The following NVL variants were observed in gnomAD, a reference collection of about 807,000 sequenced individuals.
NVL encodes nuclear valosin-containing protein-like.
NVL carries 84 observed loss-of-function variants against 110.2 expected under a neutral mutation model. That is an observed-to-expected ratio of 0.76 (90% CI 0.64 to 0.91). The LOEUF (loss-of-function observed/expected upper bound fraction) is 0.91. Ranked by LOEUF, NVL falls within the 40% of genes least tolerant of loss-of-function variation. NVL has a pLI of 0.00. For missense variants in NVL, 882 were observed against 1,035.9 expected, an observed-to-expected ratio of 0.85 and a Z score of 2.04; for synonymous variants, 354 against 361.1, an observed-to-expected ratio of 0.98 and a Z score of 0.22.
chr1:224,308,361 T>C, intron 5 of NVL, 98 bp from the exon 6 acceptor site: 2 of 1,064,612 alleles, frequency 1.9e-6, no homozygotes, highest in Admixed American at 5.5e-5. Flanking sequence ...TATTTTGTTT[T>C]TTAACAACTT....
intron 19 of NVL, among the ~76,000 whole-genome samples, chr1:224,245,915 C>T (rs982362397): frequency 9.9e-5 from 15 of 151,916 alleles, no homozygotes; most frequent in African/African-American, 3.1e-4. Flanking sequence ...CCATGCCCGG[C>T]CAAAGTTGAC....
chr1:224,254,563 G>GTTTTTTTTTTTTTTT (rs71572893), intron 18 of NVL, among the ~76,000 whole-genome samples: 6 of 36,696 alleles, frequency 1.6e-4, no homozygotes, highest in African/African-American at 3.2e-4. Flanking sequence ...CGGCTAATTT[G>GTTTTTTTTTTTTTTT]TTTTTTTTGT....
At chr1:224,243,327 G>A (rs1661419865) in intron 19 of NVL, among the ~76,000 whole-genome samples, 1 of 151,638 alleles carries the variant, frequency 6.6e-6, no homozygotes, top group African/African-American at 2.4e-5. Flanking sequence ...TAGGCCTGGT[G>A]GCACGTTCCT....
At chr1:224,240,019 C>T (rs957093960) in intron 19 of NVL, among the ~76,000 whole-genome samples, 4 of 151,634 alleles carry the variant, frequency 2.6e-5, no homozygotes, top group Non-Finnish European at 5.9e-5. Context: ...TGCCTCAGCC[C>T]CGAGTAGCTG....
Position 224,287,777 on chromosome 1 carries a change from A to G in NVL, c.1792T>C (p.Leu598=). 13 of 1,613,282 alleles carry G rather than the reference A, an allele frequency of 8.1e-6. No homozygotes were observed. Among genetic ancestry groups the G allele is most frequent in the Non-Finnish European group, 1.1e-5 (13 of 1,179,244 alleles). ...TATTTGGCAGCTGATATACCTACCAATATTGCCATGGTGAGCTCCTCTCTA... is the reference window on the plus strand; with the variant it reads ...TATTTGGCAGCTGATATACCTACCAGTATTGCCATGGTGAGCTCCTCTCTA... The part of the protein sequence containing the change: ...DIREELTMAI[L]APVRNPDQFK... The change falls in exon 14 of 23, where the codon TTG becomes CTG. Residue 598 remains leucine, a splice_region_variant and synonymous_variant. Coordinates refer to ENST00000281701, the MANE Select transcript of NVL (RefSeq NM_002533.4).
intron 10 of NVL, chr1:224,297,654 C>T (rs1011354111): frequency 1.1e-4 from 20 of 184,264 alleles, no homozygotes; most frequent in African/African-American, 4.7e-4. Context: ...AAATGATGAA[C>T]ACAAAGAGAA....
At chr1:224,285,807 T>C (rs1666801363) in intron 15 of NVL, among the ~76,000 whole-genome samples, 1 of 152,138 alleles carries the variant, frequency 6.6e-6, no homozygotes, top group Non-Finnish European at 1.5e-5. Flanking sequence ...CATGTTAAAA[T>C]TGATAGGATT....
At chr1:224,249,197 G>A (rs1389848476) in intron 19 of NVL, among the ~76,000 whole-genome samples, 6 of 152,122 alleles carry the variant, frequency 3.9e-5, no homozygotes, top group African/African-American at 1.4e-4. Flanking sequence ...AGGCTTGAGT[G>A]CAGTAGCACG....
intron 16 of NVL, among the ~76,000 whole-genome samples, chr1:224,277,043 A>G (rs1665845447): frequency 2.0e-5 from 3 of 151,802 alleles, no homozygotes; most frequent in African/African-American, 7.3e-5. Context: ...CCAAACCCAA[A>G]GTATTTCTTT....
At chr1:224,309,063 C>A (rs1376915334) in intron 5 of NVL, among the ~76,000 whole-genome samples, 28 of 102,990 alleles carry the variant, frequency 2.7e-4, no homozygotes, top group Admixed American at 3.0e-4. Flanking sequence ...TCTGTCTCAA[C>A]AAAAAAAAAA....
chr1:224,320,544 G>T (rs1670540695), intron 2 of NVL, among the ~76,000 whole-genome samples: 1 of 152,152 alleles, frequency 6.6e-6, no homozygotes, highest in South Asian at 2.1e-4. Flanking sequence ...CTACTTGGGA[G>T]GCTGAGGCAG....
intron 20 of NVL, among the ~76,000 whole-genome samples, chr1:224,234,733 C>G (rs1405732232): frequency 6.6e-6 from 1 of 152,052 alleles, no homozygotes; most frequent in Non-Finnish European, 1.5e-5. Context: ...GGTGGAAACA[C>G]CATTAACTAA....
At chr1:224,227,717 T>C in intron 22 of NVL, 47 bp from the exon 23 acceptor site, 1 of 1,576,766 alleles carries the variant, frequency 6.3e-7, no homozygotes. Flanking sequence ...ACTGCTTGTT[T>C]TGGGCTGAAT....
intron 20 of NVL, among the ~76,000 whole-genome samples, 199 bp downstream of exon 20, chr1:224,236,307 G>A (rs1660463919): frequency 6.6e-6 from 1 of 152,180 alleles, no homozygotes; most frequent in Non-Finnish European, 1.5e-5. Flanking sequence ...GGACTCCCCT[G>A]TTCCCAGGAA....
In NVL at chr1:224,329,446, T is replaced by C. The variant is rs143879985; in HGVS notation, c.57+625A>G. 9.3e-4 allele frequency among the ~76,000 whole-genome samples: 141 copies of C among 152,266 alleles called. 1 individual carries two copies. Among genetic ancestry groups the C allele is most frequent in the African/African-American group, 3.3e-3 (137 of 41,562 alleles). On this transcript the variant is annotated intron_variant, in intron 1 of 22. Transcript: ENST00000281701. Reference sequence around the variant, plus strand: ...TCCGAAAAGGAGATTGTTTAGGGGCTGGTGAAGTGAAAGAAAAACAAGGAG... The same window carrying C: ...TCCGAAAAGGAGATTGTTTAGGGGCCGGTGAAGTGAAAGAAAAACAAGGAG...
At chr1:224,255,014 G>A (rs1372270901) in intron 18 of NVL, among the ~76,000 whole-genome samples, 3 of 149,754 alleles carry the variant, frequency 2.0e-5, no homozygotes, top group Non-Finnish European at 4.4e-5. Context: ...TGGGATTCCA[G>A]GCATGCACCA....
intron 10 of NVL, among the ~76,000 whole-genome samples, chr1:224,300,276 T>C (rs1018748995): frequency 1.3e-5 from 2 of 152,202 alleles, no homozygotes; most frequent in African/African-American, 4.8e-5. Context: ...GAAAATATCA[T>C]AAGGATAATA....
intron 6 of NVL, among the ~76,000 whole-genome samples, chr1:224,305,879 C>T (rs1050558020): frequency 6.6e-6 from 1 of 152,250 alleles, no homozygotes; most frequent in African/African-American, 2.4e-5. Context: ...CTCACATTCC[C>T]AAGACACTGC....
At chr1:224,315,052 T>A (rs1669933881) in intron 4 of NVL, among the ~76,000 whole-genome samples, 1 of 50,436 alleles carries the variant, frequency 2.0e-5, no homozygotes, top group South Asian at 1.1e-3. Context: ...CAAATAACTC[T>A]GTTTCTTTTT....
Sources: gnomAD v4.1 joint callset for allele counts (sites outside exome capture counted in the v4.1 genomes callset) on GRCh38, gnomAD v4.1.1 for gene constraint, MANE v1.5 for transcripts, NCBI Gene and HGNC (gene_info 2026-07-23, HGNC 2026-07-21) for gene names.